Variants in ETNK1 observed in about 807,000 individuals in gnomAD.
ETNK1 encodes putative protein product of Nbla10396.
Under a neutral mutation model 45.1 loss-of-function variants are expected in ETNK1, and 8 were observed. That is an observed-to-expected ratio of 0.18 (90% CI 0.10 to 0.32). The LOEUF is 0.32. Ranked by LOEUF, ETNK1 falls within the 10% of genes least tolerant of loss-of-function variation. The probability of loss-of-function intolerance (pLI) is 1.00; values close to 1 mark genes in which losing one functional copy is unlikely to be tolerated. For synonymous variants in ETNK1, 152 were observed against 151.9 expected (o/e 1.00, Z -0.01); for missense variants, 302 against 430.6 (o/e 0.70, Z 2.64).
rs942024406 is a variant in ETNK1, at chr12:22,688,183, G to A, written c.*3229G>A. ...ACCTTGAAATTTTAGATATCCCAAT[G>A]TGAATCTAATTTCCATATATACAGA... On this transcript the variant is annotated 3_prime_UTR_variant, in exon 8 of 8. Coordinates refer to ENST00000266517, the MANE Select transcript of ETNK1 (RefSeq NM_018638.5). 7 of 151,752 alleles carry A rather than the reference G, an allele frequency of 4.6e-5. No individual in the cohort carries two copies. The South Asian group carries it at 1.5e-3, about 32-fold the overall frequency. 9.4% of individuals were successfully genotyped at this position (151,752 alleles called of 1,614,324 possible).
At chr12:22,664,110 TTACTA>T (rs1434677829) in intron 4 of ETNK1, among the ~76,000 whole-genome samples, 13 of 151,962 alleles carry the variant, frequency 8.6e-5, no homozygotes, top group Non-Finnish European at 1.3e-4. Flanking sequence ...GTTTGAGTGT[TTACTA>T]TAAGTAGAAG....
At chr12:22,682,438 CA>C in intron 6 of ETNK1, 1 of 263,160 alleles carries the variant, frequency 3.8e-6, no homozygotes, top group Non-Finnish European at 7.8e-6. Flanking sequence ...TCATTTTTTT[CA>C]AGTAAAAATT....
intron 4 of ETNK1, among the ~76,000 whole-genome samples, chr12:22,668,808 A>G (rs1304338121): frequency 1.3e-5 from 2 of 152,236 alleles, no homozygotes; most frequent in Non-Finnish European, 2.9e-5. Context: ...TTAATTAATT[A>G]ATGTTACTAC....
At position 22,659,171 on chromosome 12, in the gene ETNK1, A is replaced by G. The variant is rs988623286; in HGVS notation, c.557+17A>G. On this transcript the variant is annotated intron_variant, in intron 3 of 7. Coordinates refer to ENST00000266517, the MANE Select transcript of ETNK1 (RefSeq NM_018638.5). ...TAATAAAAGGTAAAATTATTTTTAC[A>G]TTTGAAATTATGTTTTACATTGCTT... 1 of 1,602,410 alleles carries G rather than the reference A, an allele frequency of 6.2e-7. No individual in the cohort carries two copies. Among genetic ancestry groups the G allele is most frequent in the Non-Finnish European group, 8.5e-7 (1 of 1,171,648 alleles).
Position 22,625,373 on chromosome 12 carries a change from C to T in ETNK1, c.-58C>T. On this transcript the variant is annotated 5_prime_UTR_variant, in exon 1 of 8. Transcript: ENST00000266517. Reference sequence around the variant, plus strand: ...GATCCACCAGTCTGTCGGCGCCCGCCGTTCTCGTGGTCGCCGTCGCCGTCG... The same window carrying T: ...GATCCACCAGTCTGTCGGCGCCCGCTGTTCTCGTGGTCGCCGTCGCCGTCG... 1 of 1,568,748 alleles carries T rather than the reference C, an allele frequency of 6.4e-7. No homozygotes were observed. Among genetic ancestry groups the T allele is most frequent in the Non-Finnish European group, 8.6e-7 (1 of 1,160,166 alleles).
At chr12:22,646,552 C>T (rs1014686565) in intron 2 of ETNK1, among the ~76,000 whole-genome samples, 1 of 151,678 alleles carries the variant, frequency 6.6e-6, no homozygotes, top group African/African-American at 2.4e-5. Context: ...TTTGATTAAT[C>T]CTTATGAGCT....
chr12:22,657,531 T>C (rs1953957384), intron 2 of ETNK1, among the ~76,000 whole-genome samples: 1 of 152,094 alleles, frequency 6.6e-6, no homozygotes, highest in African/African-American at 2.4e-5. Context: ...TCACAAACTT[T>C]CCTTAGGACT....
intron 4 of ETNK1, among the ~76,000 whole-genome samples, chr12:22,666,755 G>A (rs1954057006): frequency 2.0e-5 from 3 of 152,056 alleles, no homozygotes; most frequent in Admixed American, 2.0e-4. Context: ...GCTTTTTCTG[G>A]GAATTAAAGA....
At chr12:22,631,393 T>G (rs1953578606) in intron 1 of ETNK1, among the ~76,000 whole-genome samples, 1 of 152,134 alleles carries the variant, frequency 6.6e-6, no homozygotes, top group Admixed American at 6.5e-5. Flanking sequence ...CAGGCTGGTC[T>G]CAAACTCCCG....
intron 2 of ETNK1, among the ~76,000 whole-genome samples, chr12:22,655,352 T>TC (rs1565442986): frequency 1.3e-4 from 11 of 86,528 alleles, no homozygotes; most frequent in Non-Finnish European, 1.8e-4. Flanking sequence ...TTTTTTTTTT[T>TC]CGAGACGGAG....
intron 6 of ETNK1, 30 bp downstream of exon 6, chr12:22,673,690 G>A: frequency 6.5e-7 from 1 of 1,536,694 alleles, no homozygotes; most frequent in Admixed American, 1.9e-5. Context: ...ATTAATGAAA[G>A]GTTCTTACTG....
intron 2 of ETNK1, among the ~76,000 whole-genome samples, chr12:22,653,997 C>T (rs77827725): frequency 6.6e-6 from 1 of 152,106 alleles, no homozygotes; most frequent in African/African-American, 2.4e-5. Context: ...CCTCAAAAAC[C>T]TTTTGTTGAG....
At position 22,670,610 on chromosome 12, in the gene ETNK1, C is replaced by T. The variant is rs536256478; in HGVS notation, c.701-662C>T. ...TGTGAAAATTTCTCACGTTTATAAA[C>T]GTTAAAAGAAACCATACTTTTGCTT... On this transcript the variant is annotated intron_variant, in intron 4 of 7. Transcript: ENST00000266517. Among the ~76,000 whole-genome samples the T allele has an allele frequency of 8.9e-4, 135 of 152,124 alleles. No individual in the cohort carries two copies. In the South Asian group the frequency reaches 9.1e-3, roughly 10 times the overall value.
intron 2 of ETNK1, among the ~76,000 whole-genome samples, chr12:22,646,385 A>G (rs1432108747): frequency 1.3e-5 from 2 of 151,796 alleles, no homozygotes. Flanking sequence ...TCAGTAGACC[A>G]TGGTCTGGAG....
intron 1 of ETNK1, among the ~76,000 whole-genome samples, chr12:22,633,827 T>C (rs1953616173): frequency 6.6e-6 from 1 of 152,180 alleles, no homozygotes; most frequent in Non-Finnish European, 1.5e-5. Context: ...AGGATTATAA[T>C]TAATTGCTTT....
intron 1 of ETNK1, among the ~76,000 whole-genome samples, chr12:22,634,140 G>A (rs1953622338): frequency 6.6e-6 from 1 of 152,034 alleles, no homozygotes; most frequent in South Asian, 2.1e-4. Flanking sequence ...AGTTTGTTAA[G>A]TATTTTCATC....
intron 6 of ETNK1, among the ~76,000 whole-genome samples, chr12:22,678,277 A>G (rs946618120): frequency 1.3e-5 from 2 of 152,190 alleles, no homozygotes; most frequent in Admixed American, 6.5e-5. Context: ...AGACACTGCA[A>G]TCTGCCTTTT....
At chr12:22,651,259 G>T (rs73080482) in intron 2 of ETNK1, among the ~76,000 whole-genome samples, 36,091 of 152,096 alleles carry the variant, frequency 0.24, 4,988 homozygotes, top group Non-Finnish European at 0.32. Context: ...TATGCAGATG[G>T]TTCTCTACTT....
chr12:22,683,888 G>C (rs1180943299), intron 6 of ETNK1, among the ~76,000 whole-genome samples: 26 of 152,162 alleles, frequency 1.7e-4, no homozygotes, highest in Non-Finnish European at 4.4e-5. Flanking sequence ...AGATTGTAAA[G>C]CACACATAAT....
Sources: allele counts gnomAD v4.1 joint callset (sites outside exome capture counted in the v4.1 genomes callset), GRCh38; gene constraint gnomAD v4.1.1; transcripts MANE v1.5; gene names NCBI Gene and HGNC (gene_info 2026-07-23, HGNC 2026-07-21).